The following NLGN1 variants were observed in gnomAD, a reference collection of about 807,000 sequenced individuals.
NLGN1 encodes neuroligin-1.
NLGN1 carries 12 observed loss-of-function variants against 65.5 expected under a neutral mutation model. That is an observed-to-expected ratio of 0.18 (90% CI 0.12 to 0.30). NLGN1 has a LOEUF of 0.30. NLGN1 is among the 10% of genes least tolerant of loss of function. The pLI is 1.00. For synonymous variants in NLGN1, 350 were observed against 359.5 expected (o/e 0.97, Z 0.30); for missense variants, 750 against 1,007.1 (o/e 0.74, Z 3.46).
At chr3:173,752,622 T>A (rs561142392) in intron 3 of NLGN1, among the ~76,000 whole-genome samples, 21 of 152,232 alleles carry the variant, frequency 1.4e-4, no homozygotes, top group African/African-American at 5.1e-4. Flanking sequence ...CTTAATTCCC[T>A]TACTCCTCTC....
chr3:174,226,287 C>T (rs1269920732), intron 4 of NLGN1, among the ~76,000 whole-genome samples: 1 of 152,012 alleles, frequency 6.6e-6, no homozygotes, highest in African/African-American at 2.4e-5. Context: ...TTAGCTACTC[C>T]CCCTACCCCC....
intron 3 of NLGN1, among the ~76,000 whole-genome samples, chr3:173,674,346 T>C (rs1762841297): frequency 6.6e-6 from 1 of 152,030 alleles, no homozygotes; most frequent in African/African-American, 2.4e-5. Context: ...TGTGCCCTTA[T>C]TGTGTACAAA....
At chr3:173,823,105 C>T (rs763354478) in intron 4 of NLGN1, among the ~76,000 whole-genome samples, 9 of 151,922 alleles carry the variant, frequency 5.9e-5, no homozygotes, top group Non-Finnish European at 1.2e-4. Flanking sequence ...AAGATATTCG[C>T]ATATAATTTT....
intron 4 of NLGN1, among the ~76,000 whole-genome samples, chr3:173,951,525 C>T (rs1439472298): frequency 4.7e-5 from 7 of 149,090 alleles, no homozygotes; most frequent in African/African-American, 1.2e-4. Flanking sequence ...TGCAGTGGTG[C>T]GATCTTGGCT....
chr3:174,226,621 A>G (rs900584741), intron 4 of NLGN1, among the ~76,000 whole-genome samples: 1 of 152,174 alleles, frequency 6.6e-6, no homozygotes, highest in African/African-American at 2.4e-5. Flanking sequence ...AAGACTCATG[A>G]TGCACTGAAT....
At chr3:173,803,385 G>A (rs947138609) in intron 3 of NLGN1, among the ~76,000 whole-genome samples, 9 of 152,048 alleles carry the variant, frequency 5.9e-5, no homozygotes, top group Non-Finnish European at 1.0e-4. Flanking sequence ...CTGGGAGGCC[G>A]AGGTGGGCAG....
chr3:173,519,707 A>ATT (rs56083885), intron 2 of NLGN1, among the ~76,000 whole-genome samples: 6 of 142,632 alleles, frequency 4.2e-5, no homozygotes, highest in Non-Finnish European at 7.7e-5. Context: ...GGAGGTAACT[A>ATT]TTTTTTTTTT....
chr3:174,216,633 C>T (rs1015311515), intron 4 of NLGN1, among the ~76,000 whole-genome samples: 3 of 152,084 alleles, frequency 2.0e-5, no homozygotes, highest in African/African-American at 7.2e-5. Flanking sequence ...ATACCCTAGA[C>T]TCTCAACCAA....
intron 4 of NLGN1, among the ~76,000 whole-genome samples, chr3:174,220,941 T>C (rs1279350062): frequency 6.6e-6 from 1 of 152,152 alleles, no homozygotes; most frequent in Non-Finnish European, 1.5e-5. Context: ...TTCCATTACA[T>C]AGAGTCATTC....
At position 173,798,527 on chromosome 3, in the gene NLGN1, A is replaced by G. The variant is rs951802161; in HGVS notation, c.494-9153A>G. Reference sequence around the variant, plus strand: ...GAAATGTAGCTATGTTGTTGCATGAATGTCAAATAATCCTAAGCATGCCTT... The same window carrying G: ...GAAATGTAGCTATGTTGTTGCATGAGTGTCAAATAATCCTAAGCATGCCTT... On this transcript the variant is annotated intron_variant, in intron 3 of 6. Coordinates refer to ENST00000457714, the Ensembl canonical transcript of NLGN1. Among the ~76,000 whole-genome samples, 12 of 152,274 alleles carry G rather than the reference A, an allele frequency of 7.9e-5. No individual in the cohort carries two copies. In the East Asian group the frequency reaches 2.3e-3, roughly 29 times the overall value.
chr3:174,230,608 G>A (rs1740533533), intron 4 of NLGN1, among the ~76,000 whole-genome samples: 1 of 152,134 alleles, frequency 6.6e-6, no homozygotes, highest in Non-Finnish European at 1.5e-5. Flanking sequence ...TTTTAGTGAA[G>A]TATCAGCATT....
chr3:174,007,103 A>T (rs1386562987), intron 4 of NLGN1, among the ~76,000 whole-genome samples: 1 of 152,082 alleles, frequency 6.6e-6, no homozygotes, highest in African/African-American at 2.4e-5. Flanking sequence ...ATTCAGACAC[A>T]CAGAGAGACA....
intron 1 of NLGN1, among the ~76,000 whole-genome samples, chr3:173,415,927 A>G (rs1381300228): frequency 6.8e-6 from 1 of 147,020 alleles, no homozygotes; most frequent in African/African-American, 2.6e-5. Flanking sequence ...AGGGAGAGAG[A>G]GAGAGAGAGA....
At chr3:174,205,892 G>C (rs1735310940) in intron 4 of NLGN1, among the ~76,000 whole-genome samples, 1 of 152,158 alleles carries the variant, frequency 6.6e-6, no homozygotes, top group Non-Finnish European at 1.5e-5. Context: ...GAGTATCACT[G>C]AAATAACTAC....
chr3:173,815,859 C>T (rs1718934680), intron 4 of NLGN1, among the ~76,000 whole-genome samples: 1 of 151,994 alleles, frequency 6.6e-6, no homozygotes, highest in Admixed American at 6.6e-5. Context: ...ATATCTTAAA[C>T]TTAACATGGC....
chr3:173,994,094 A>G (rs1721734212), intron 4 of NLGN1, among the ~76,000 whole-genome samples: 1 of 152,132 alleles, frequency 6.6e-6, no homozygotes, highest in African/African-American at 2.4e-5. Context: ...GTTGAAAAAT[A>G]TAAAGTTTAA....
At chr3:173,662,457 T>A (rs1761063494) in intron 3 of NLGN1, among the ~76,000 whole-genome samples, 1 of 152,032 alleles carries the variant, frequency 6.6e-6, no homozygotes, top group Non-Finnish European at 1.5e-5. Context: ...TATGTTTAAT[T>A]TCATGAAGTA....
intron 4 of NLGN1, among the ~76,000 whole-genome samples, chr3:173,815,926 A>G (rs1335078466): frequency 3.3e-5 from 5 of 151,546 alleles, no homozygotes; most frequent in Admixed American, 6.6e-5. Flanking sequence ...CAACTAAGTT[A>G]TAATATTATT....
At position 173,550,625 on chromosome 3, in the gene NLGN1, T is replaced by C. The variant is rs555712826; in HGVS notation, c.-320-53654T>C. On this transcript the variant is annotated intron_variant, in intron 2 of 6. Transcript: ENST00000457714. ...AAATGCATAATGTTTACAAACCACA[T>C]TTGTAACCTGCAATGTCTTTTTGAG... is the stretch of plus-strand genomic sequence containing the variant. Among the ~76,000 whole-genome samples, 9 of 151,786 alleles carry C rather than the reference T, an allele frequency of 5.9e-5. No individual in the cohort carries two copies. The East Asian group carries it at 9.7e-4, about 16-fold the overall frequency.
Sources: allele counts gnomAD v4.1 joint callset (sites outside exome capture counted in the v4.1 genomes callset), GRCh38; gene constraint gnomAD v4.1.1; transcripts MANE v1.5; gene names NCBI Gene and HGNC (gene_info 2026-07-23, HGNC 2026-07-21).